The following GPHN variants were observed in gnomAD, a reference collection of about 807,000 sequenced individuals.
GPHN encodes gephyrin.
In GPHN, 17 loss-of-function variants were observed where a neutral mutation model predicts 95.5. The ratio of observed to expected loss-of-function variants is 0.18; its 90% confidence interval spans 0.12 to 0.27. The LOEUF (loss-of-function observed/expected upper bound fraction) is 0.27, where lower values mean the gene tolerates loss of function less well. Among genes scored for constraint, GPHN ranks in the 10% least tolerant of loss-of-function variants. The pLI is 1.00. For synonymous variants in GPHN, 320 were observed against 322.5 expected, an observed-to-expected ratio of 0.99 and a Z score of 0.08; for missense variants, 660 against 978.1, an observed-to-expected ratio of 0.67 and a Z score of 4.34.
the GPHN span, among the ~76,000 whole-genome samples, chr14:67,492,430 C>T: frequency 1.3e-5 from 2 of 152,218 alleles, no homozygotes; most frequent in African/African-American, 4.8e-5. Flanking sequence ...AGCAAGCCTT[C>T]TCCTGTCAGT....
the GPHN span, among the ~76,000 whole-genome samples, chr14:67,508,771 A>AC: frequency 6.7e-6 from 1 of 149,738 alleles, no homozygotes; most frequent in East Asian, 2.0e-4. Context: ...AAAAAAAAAA[A>AC]CAGAAGACAA....
chr14:67,676,239 A>G, the GPHN span, among the ~76,000 whole-genome samples: 1 of 152,222 alleles, frequency 6.6e-6, no homozygotes, highest in Non-Finnish European at 1.5e-5. Context: ...ATGCTTTGCT[A>G]ATTTGTATCT....
At chr14:67,112,060 G>A in intron 15 of GPHN, 141 bp downstream of exon 15, 2 of 721,360 alleles carry the variant, frequency 2.8e-6, no homozygotes, top group Non-Finnish European at 2.5e-6. Context: ...CAAAATGAAT[G>A]TTATGAATTC....
chr14:67,324,668 G>A, the GPHN span, among the ~76,000 whole-genome samples: 6 of 151,386 alleles, frequency 4.0e-5, no homozygotes, highest in East Asian at 3.9e-4. Flanking sequence ...CACTGCAGGC[G>A]CAGACTCTGG....
the GPHN span, among the ~76,000 whole-genome samples, chr14:67,216,476 C>G: frequency 6.6e-6 from 1 of 152,042 alleles, no homozygotes; most frequent in African/African-American, 2.4e-5. Context: ...TCTAGTTCCT[C>G]AAGGTGCATC....
chr14:66,722,537 G>C (rs1412064606), intron 2 of GPHN, among the ~76,000 whole-genome samples: 1 of 152,008 alleles, frequency 6.6e-6, no homozygotes, highest in East Asian at 1.9e-4. Context: ...TCAAACTCCT[G>C]GGCTCAAGTG....
At chr14:67,440,722 C>G in the GPHN span, among the ~76,000 whole-genome samples, 3 of 150,358 alleles carry the variant, frequency 2.0e-5, no homozygotes, top group Non-Finnish European at 3.0e-5. Context: ...ACTGCCTGGG[C>G]GACAAAGTGG....
the GPHN span, among the ~76,000 whole-genome samples, chr14:67,492,539 G>C: frequency 6.6e-6 from 1 of 152,178 alleles, no homozygotes; most frequent in Non-Finnish European, 1.5e-5. Flanking sequence ...GGGTGTCCTG[G>C]AGGTTACCCT....
chr14:67,213,919 T>C, the GPHN span, among the ~76,000 whole-genome samples: 3 of 152,252 alleles, frequency 2.0e-5, no homozygotes, highest in South Asian at 2.1e-4. Flanking sequence ...TGGCCAGTGA[T>C]GGTGAGCATT....
At chr14:66,801,599 C>T (rs1237570895) in intron 3 of GPHN, among the ~76,000 whole-genome samples, 3 of 138,226 alleles carry the variant, frequency 2.2e-5, no homozygotes, top group Non-Finnish European at 4.6e-5. Context: ...CTCTCTCCCT[C>T]TCTCTCTCTC....
chr14:67,616,104 G>A, the GPHN span: 1 of 277,628 alleles, frequency 3.6e-6, no homozygotes. Flanking sequence ...ATAAGTTCGA[G>A]TGCAGTTTTT....
chr14:67,284,804 AT>A, the GPHN span, among the ~76,000 whole-genome samples: 3 of 152,104 alleles, frequency 2.0e-5, no homozygotes, highest in Non-Finnish European at 4.4e-5. Context: ...GTTCATCCAT[AT>A]TGTAGCATGA....
At chr14:66,958,888 A>G (rs1596512243) in intron 8 of GPHN, among the ~76,000 whole-genome samples, 1 of 152,230 alleles carries the variant, frequency 6.6e-6, no homozygotes, top group South Asian at 2.1e-4. Context: ...TTTATATAAT[A>G]TCATTTTTGT....
the GPHN span, among the ~76,000 whole-genome samples, chr14:67,667,504 T>G: frequency 1.3e-5 from 2 of 152,182 alleles, no homozygotes; most frequent in South Asian, 4.1e-4. Context: ...AAGGGTTGTT[T>G]GAAAGGGTTA....
At chr14:67,735,261 A>G in the GPHN span, 1 of 1,142,906 alleles carries the variant, frequency 8.7e-7, no homozygotes, top group South Asian at 1.2e-5. Context: ...CCTCAGCACT[A>G]CTCCTTCAGA....
At chr14:66,910,246 C>T (rs1358738776) in intron 5 of GPHN, among the ~76,000 whole-genome samples, 2 of 151,874 alleles carry the variant, frequency 1.3e-5, no homozygotes, top group Non-Finnish European at 2.9e-5. Context: ...AATAAAGAGA[C>T]TTTATCTCAA....
At chr14:66,998,316 C>G (rs1052869231) in intron 9 of GPHN, among the ~76,000 whole-genome samples, 2 of 152,072 alleles carry the variant, frequency 1.3e-5, no homozygotes, top group African/African-American at 4.8e-5. Flanking sequence ...TGCCACATCT[C>G]TGTGGTCTCC....
chr14:67,172,950 A>G (rs888188482), intron 21 of GPHN, among the ~76,000 whole-genome samples: 5 of 152,128 alleles, frequency 3.3e-5, no homozygotes, highest in Non-Finnish European at 5.9e-5. Context: ...CTAGATAGCA[A>G]CAATAGCCTA....
chr14:67,650,600 C>T, the GPHN span: 1 of 899,932 alleles, frequency 1.1e-6, no homozygotes, highest in Non-Finnish European at 1.8e-6. Context: ...GTATTTTCTA[C>T]TATAAAATGG....
Sources: allele counts gnomAD v4.1 joint callset (sites outside exome capture counted in the v4.1 genomes callset), GRCh38; gene constraint gnomAD v4.1.1; transcripts MANE v1.5; gene names NCBI Gene and HGNC (gene_info 2026-07-23, HGNC 2026-07-21).